SLC9A9: variants seen among roughly 807,000 people sequenced by gnomAD.
SLC9A9 encodes sodium/hydrogen exchanger 9.
SLC9A9 carries 62 observed loss-of-function variants against 77.8 expected under a neutral mutation model. The ratio of observed to expected loss-of-function variants is 0.80; its 90% CI spans 0.65 to 0.98. The LOEUF (loss-of-function observed/expected upper bound fraction) is 0.98, where lower values mean the gene tolerates loss of function less well. Among genes scored for constraint, SLC9A9 ranks in the 50% least tolerant of loss-of-function variants. The pLI, the probability that SLC9A9 is intolerant of heterozygous loss-of-function variation, is 0.00. For synonymous variants in SLC9A9, 320 were observed against 283.5 expected (o/e 1.13, Z -1.29); for missense variants, 775 against 774.9 (o/e 1.00, Z 0.00).
At chr3:143,729,927 T>G (rs1339200104) in intron 4 of SLC9A9, among the ~76,000 whole-genome samples, 4 of 152,216 alleles carry the variant, frequency 2.6e-5, no homozygotes, top group African/African-American at 9.7e-5. Context: ...TAAATATGTT[T>G]TATTATAATA....
chr3:143,515,217 T>A (rs1289364266), intron 9 of SLC9A9, among the ~76,000 whole-genome samples: 1 of 152,196 alleles, frequency 6.6e-6, no homozygotes, highest in Non-Finnish European at 1.5e-5. Flanking sequence ...TGAACATGGT[T>A]CATAATGCCC....
chr3:143,557,689 G>A (rs2037010859), intron 8 of SLC9A9, among the ~76,000 whole-genome samples: 1 of 152,224 alleles, frequency 6.6e-6, no homozygotes, highest in South Asian at 2.1e-4. Flanking sequence ...CTATGCTTTA[G>A]CAAAGAGACT....
At chr3:143,460,354 C>CA (rs1241106896) in intron 12 of SLC9A9, among the ~76,000 whole-genome samples, 1 of 152,042 alleles carries the variant, frequency 6.6e-6, no homozygotes, top group Non-Finnish European at 1.5e-5. Context: ...GTGCTTACTC[C>CA]ATTTTGACCA....
At chr3:143,306,192 G>A (rs1325632461) in intron 14 of SLC9A9, among the ~76,000 whole-genome samples, 1 of 152,178 alleles carries the variant, frequency 6.6e-6, no homozygotes, top group African/African-American at 2.4e-5. Flanking sequence ...GAACATAATG[G>A]GGGCACTGGA....
chr3:143,390,442 T>C (rs201461877), intron 12 of SLC9A9, among the ~76,000 whole-genome samples: 5 of 152,262 alleles, frequency 3.3e-5, no homozygotes, highest in African/African-American at 9.6e-5. Flanking sequence ...TCATAGGCTG[T>C]TGTGGGATAA....
chr3:143,319,495 G>A (rs929076743), intron 14 of SLC9A9, among the ~76,000 whole-genome samples: 1 of 152,154 alleles, frequency 6.6e-6, no homozygotes, highest in Non-Finnish European at 1.5e-5. Context: ...AGAAAAAGAC[G>A]CTGCCTCACA....
At chr3:143,551,828 G>A (rs1266096010) in intron 9 of SLC9A9, among the ~76,000 whole-genome samples, 1 of 152,176 alleles carries the variant, frequency 6.6e-6, no homozygotes, top group Non-Finnish European at 1.5e-5. Flanking sequence ...ATGGTGCTTG[G>A]CGCAGAGTGG....
chr3:143,664,295 C>A (rs2039027389), intron 5 of SLC9A9, among the ~76,000 whole-genome samples: 1 of 152,188 alleles, frequency 6.6e-6, no homozygotes, highest in African/African-American at 2.4e-5. Flanking sequence ...GGTTTTGTCA[C>A]CACCAAGCCT....
At chr3:143,731,387 C>G (rs1307062136) in intron 4 of SLC9A9, among the ~76,000 whole-genome samples, 1 of 152,178 alleles carries the variant, frequency 6.6e-6, no homozygotes, top group Non-Finnish European at 1.5e-5. Flanking sequence ...CTGCTCCTTC[C>G]TAGGCCTCTG....
chr3:143,510,076 TGAAA>T (rs1026279093), intron 9 of SLC9A9, among the ~76,000 whole-genome samples: 2 of 152,290 alleles, frequency 1.3e-5, no homozygotes, highest in South Asian at 2.1e-4. Flanking sequence ...AATGTGGATA[TGAAA>T]GAAAGTTGAT....
intron 14 of SLC9A9, among the ~76,000 whole-genome samples, chr3:143,323,832 C>T (rs143376964): frequency 6.6e-6 from 1 of 152,132 alleles, no homozygotes; most frequent in African/African-American, 2.4e-5. Flanking sequence ...TTTTTTCCCT[C>T]AACATACAGC....
At chr3:143,553,330 G>T (rs924312736) in intron 8 of SLC9A9, among the ~76,000 whole-genome samples, 1 of 152,138 alleles carries the variant, frequency 6.6e-6, no homozygotes, top group African/African-American at 2.4e-5. Context: ...GTGGGAGCTT[G>T]CACTGTACTT....
In SLC9A9 at chr3:143,684,529, G is replaced by A. The variant is rs906099840; in HGVS notation, c.649+8663C>T. On this transcript the variant is annotated intron_variant, in intron 5 of 15. Transcript: ENST00000316549. ...CAACACACTTTGAAACCATGCTAAC[G>A]TAATATAAATACCAAGTTTCTTGAA... 4.6e-5 allele frequency among the ~76,000 whole-genome samples: 7 copies of A among 151,974 alleles called. No individual in the cohort carries two copies. In the East Asian group the frequency reaches 1.2e-3, roughly 25 times the overall value.
At chr3:143,826,120 G>C (rs945908670) in intron 2 of SLC9A9, among the ~76,000 whole-genome samples, 1 of 151,978 alleles carries the variant, frequency 6.6e-6, no homozygotes, top group Non-Finnish European at 1.5e-5. Context: ...GTAGCTGGGC[G>C]TGGTGGCACA....
chr3:143,629,524 T>C (rs1287251171), intron 6 of SLC9A9, among the ~76,000 whole-genome samples: 1 of 152,072 alleles, frequency 6.6e-6, no homozygotes, highest in Non-Finnish European at 1.5e-5. Flanking sequence ...GTCCTACATC[T>C]TTATTTGCTA....
chr3:143,644,709 G>A (rs1441019171), intron 6 of SLC9A9, among the ~76,000 whole-genome samples: 1 of 151,896 alleles, frequency 6.6e-6, no homozygotes, highest in East Asian at 1.9e-4. Context: ...GAAAAATGAA[G>A]TCAGCATGAA....
chr3:143,733,650 G>C (rs987620257), intron 4 of SLC9A9, among the ~76,000 whole-genome samples: 1 of 152,108 alleles, frequency 6.6e-6, no homozygotes, highest in South Asian at 2.1e-4. Flanking sequence ...CTGGTAGAGA[G>C]ACAGGCAAGA....
chr3:143,508,982 T>C (rs537994781), intron 9 of SLC9A9, among the ~76,000 whole-genome samples: 2 of 152,326 alleles, frequency 1.3e-5, no homozygotes, highest in African/African-American at 2.4e-5. Flanking sequence ...TAAGTTTACT[T>C]GATTTAACTA....
chr3:143,793,945 C>G (rs1560082220), intron 4 of SLC9A9, among the ~76,000 whole-genome samples: 1 of 152,190 alleles, frequency 6.6e-6, no homozygotes, highest in Non-Finnish European at 1.5e-5. Flanking sequence ...GCTCCCTAAT[C>G]TATAGGCTTG....
Sources: allele counts gnomAD v4.1 joint callset (sites outside exome capture counted in the v4.1 genomes callset), GRCh38; gene constraint gnomAD v4.1.1; transcripts MANE v1.5; gene names NCBI Gene and HGNC (gene_info 2026-07-23, HGNC 2026-07-21).